Variants in TMEM225B observed in about 807,000 individuals in gnomAD.
TMEM225B encodes transmembrane protein 225-like.
In TMEM225B, 10 loss-of-function variants were observed where a neutral mutation model predicts 16.9. That is an observed-to-expected ratio of 0.59 (90% CI 0.36 to 1.00). The LOEUF (loss-of-function observed/expected upper bound fraction) is 1.00, where lower values mean the gene tolerates loss of function less well. Ranked by LOEUF, TMEM225B falls within the 50% of genes least tolerant of loss-of-function variation. The pLI, the probability that TMEM225B is intolerant of heterozygous loss-of-function variation, is 0.01. For missense variants in TMEM225B, 217 were observed against 267.0 expected (o/e 0.81, Z 1.30); for synonymous variants, 92 against 109.8 (o/e 0.84, Z 1.01).
At chr7:99,604,911 G>A (rs796489442) in intron 3 of TMEM225B, among the ~76,000 whole-genome samples, 8 of 152,116 alleles carry the variant, frequency 5.3e-5, no homozygotes, top group Admixed American at 2.0e-4. Flanking sequence ...GAGGGCTCCT[G>A]CTTGAGCCCA....
At chr7:99,599,536 A>G (rs1230341981) in intron 1 of TMEM225B, among the ~76,000 whole-genome samples, 1 of 152,222 alleles carries the variant, frequency 6.6e-6, no homozygotes, top group East Asian at 1.9e-4. Context: ...TGGGTGACAC[A>G]AGACCCTGTC....
chr7:99,600,995 A>AG, intron 2 of TMEM225B, among the ~76,000 whole-genome samples: 1 of 152,242 alleles, frequency 6.6e-6, no homozygotes, highest in East Asian at 1.9e-4. Flanking sequence ...GGTGAAGGAG[A>AG]GAAAAAAAGG....
At chr7:99,606,167 C>T (rs150474701) in intron 3 of TMEM225B, among the ~76,000 whole-genome samples, 2 of 152,348 alleles carry the variant, frequency 1.3e-5, no homozygotes, top group African/African-American at 2.4e-5. Flanking sequence ...CGGTGGCTCA[C>T]GCCTGTCATC....
chr7:99,607,839 T>G (rs1805958169), intron 5 of TMEM225B, 29 bp downstream of exon 5: 1 of 1,531,374 alleles, frequency 6.5e-7, no homozygotes, highest in Non-Finnish European at 8.7e-7. Flanking sequence ...GTGCCCTGCT[T>G]CTTGTCCTCG....
chr7:99,602,452 A>T (rs1805450911), intron 2 of TMEM225B, among the ~76,000 whole-genome samples: 1 of 152,162 alleles, frequency 6.6e-6, no homozygotes, highest in South Asian at 2.1e-4. Context: ...ACTGTGTTGG[A>T]CACTTTGGTA....
intron 1 of TMEM225B, 27 bp downstream of exon 1, chr7:99,598,408 A>G (rs1244251184): frequency 3.3e-5 from 5 of 152,402 alleles, no homozygotes; most frequent in African/African-American, 4.8e-5. Context: ...AGGGGAGACC[A>G]GTATGGGGGA....
At chr7:99,607,953 C>A in intron 5 of TMEM225B, 143 bp downstream of exon 5, 1 of 921,568 alleles carries the variant, frequency 1.1e-6, no homozygotes, top group Non-Finnish European at 1.6e-6. Context: ...ATTTAACTTT[C>A]GTTAATTAAA....
chr7:99,604,044 C>T (rs563687886), intron 2 of TMEM225B, among the ~76,000 whole-genome samples: 8 of 152,130 alleles, frequency 5.3e-5, no homozygotes, highest in Admixed American at 1.3e-4. Context: ...TGTGAACCAC[C>T]GCACCCAGCT....
At chr7:99,603,965 G>C in intron 2 of TMEM225B, among the ~76,000 whole-genome samples, 1 of 152,026 alleles carries the variant, frequency 6.6e-6, no homozygotes, top group East Asian at 1.9e-4. Context: ...ATGTTGCCCA[G>C]GCTGGTCTTG....
chr7:99,599,523 G>T (rs1227994393), intron 1 of TMEM225B, among the ~76,000 whole-genome samples: 2 of 152,172 alleles, frequency 1.3e-5, no homozygotes, highest in African/African-American at 4.8e-5. Flanking sequence ...CTGCACTCCA[G>T]CCTGGGTGAC....
At chr7:99,607,906 C>T in intron 5 of TMEM225B, 96 bp downstream of exon 5, 1 of 1,349,742 alleles carries the variant, frequency 7.4e-7, no homozygotes, top group Non-Finnish European at 9.9e-7. Context: ...TCTAGAATTG[C>T]ACTGTTCCAA....
At position 99,599,125 on chromosome 7, in the gene TMEM225B, A is replaced by ATTT. The variant is rs769617190; in HGVS notation, c.-85+765_-85+767dup. ...CAGGCGCCCCCACCACGCCTGGCTA[A>ATTT]TTTTTTTTTTTTTTTTTTTTTTTGT... On this transcript the variant is annotated intron_variant, in intron 1 of 5. Transcript: ENST00000431679. Among the ~76,000 whole-genome samples, 835 of 115,482 alleles carry ATTT rather than the reference A, an allele frequency of 7.2e-3. 11 individuals carry two copies. Among genetic ancestry groups the ATTT allele is most frequent in the African/African-American group, 0.024 (675 of 27,942 alleles). The allele number at this position is 115,482 out of a possible 152,430, so 75.8% of individuals were successfully genotyped here.
intron 3 of TMEM225B, among the ~76,000 whole-genome samples, 163 bp downstream of exon 3, chr7:99,604,759 C>T (rs907283316): frequency 6.6e-6 from 1 of 151,994 alleles, no homozygotes; most frequent in Admixed American, 6.6e-5. Context: ...TCTGGGAGGC[C>T]GAAGCGAGAG....
chr7:99,610,393 G>A lies in TMEM225B; in HGVS notation c.494G>A (p.Gly165Asp), dbSNP rs1433837520. 2.0e-6 allele frequency: 3 copies of A among 1,534,832 alleles called. No homozygotes were observed. In the Admixed American group the frequency reaches 5.9e-5, roughly 30 times the overall value. Residue 165 changes from glycine (G) to aspartate (D), a missense_variant and splice_region_variant, in exon 6 of 6, where the codon GGT (glycine) becomes GAT (aspartate). Transcript: ENST00000431679. Reference sequence around the variant, plus strand: ...GACCCAAACGTTGGCTGTTCCCTAGGTACCATCTGCCTCATTCAAGAAATG... The same window carrying A: ...GACCCAAACGTTGGCTGTTCCCTAGATACCATCTGCCTCATTCAAGAAATG... ...GFGIFLFIVA[G>D]TICLIQEMVC...
intron 4 of TMEM225B, among the ~76,000 whole-genome samples, chr7:99,607,285 C>T (rs1015966656): frequency 1.3e-5 from 2 of 152,178 alleles, no homozygotes; most frequent in African/African-American, 4.8e-5. Flanking sequence ...TGAACCACTG[C>T]ACCTGGCCCC....
At position 99,610,705 on chromosome 7, in the gene TMEM225B, A is replaced by G. The variant is rs1362482938; in HGVS notation, c.*140A>G. ...TGTCAGATCAACTCTCCACCTCCCC[A>G]TACTCACAGTGATTCTATCTTGCTT... On this transcript the variant is annotated 3_prime_UTR_variant, in exon 6 of 6. Coordinates refer to ENST00000431679, the MANE Select transcript of TMEM225B (RefSeq NM_001195541.3). 5 of 619,576 alleles carry G rather than the reference A, an allele frequency of 8.1e-6. No homozygotes were observed. The highest frequency in any genetic ancestry group is 1.1e-5 in the Non-Finnish European group (4 of 370,212). The allele number at this position is 619,576 out of a possible 1,614,324, so 38.4% of individuals were successfully genotyped here.
At chr7:99,605,162 C>T (rs1805698407) in intron 3 of TMEM225B, among the ~76,000 whole-genome samples, 1 of 152,194 alleles carries the variant, frequency 6.6e-6, no homozygotes, top group African/African-American at 2.4e-5. Flanking sequence ...GGAGGGTATG[C>T]AAACTCATTT....
At chr7:99,608,858 T>TATATATATATATATACACACAC (rs536627768) in intron 5 of TMEM225B, among the ~76,000 whole-genome samples, 30 of 144,436 alleles carry the variant, frequency 2.1e-4, no homozygotes, top group African/African-American at 6.7e-4. Flanking sequence ...TATATATATA[T>TATATATATATATATACACACAC]ACACACACAC....
Position 99,606,914 on chromosome 7 carries a change from TC to T in TMEM225B, c.355+23del. On this transcript the variant is annotated intron_variant, in intron 4 of 5. Coordinates refer to ENST00000431679, the MANE Select transcript of TMEM225B (RefSeq NM_001195541.3). ...TCACAGGTGTGGAACAGCTAGGTGA[TC>T]CCTGACCTTCGCTAGGGCCTGGGGA... 6.5e-7 allele frequency: 1 copy of T among 1,535,902 alleles called. No homozygotes were observed. The highest frequency in any genetic ancestry group is 8.7e-7 in the Non-Finnish European group (1 of 1,146,764).
Sources: allele counts gnomAD v4.1 joint callset (sites outside exome capture counted in the v4.1 genomes callset), GRCh38; gene constraint gnomAD v4.1.1; transcripts MANE v1.5; gene names NCBI Gene and HGNC (gene_info 2026-07-23, HGNC 2026-07-21).